Variants in F8 observed in about 807,000 individuals in gnomAD.
F8 encodes antihemophilic factor.
Under a neutral mutation model 140.6 loss-of-function variants are expected in F8, and 12 were observed. The ratio of observed to expected loss-of-function variants is 0.09; its 90% confidence interval spans 0.05 to 0.14. F8 has a LOEUF of 0.14. F8 is among the 10% of genes least tolerant of loss of function. The pLI is 1.00. For synonymous variants in F8, 585 were observed against 614.6 expected (o/e 0.95, Z 0.71); for missense variants, 1,354 against 1,720.7 (o/e 0.79, Z 3.77).
chrX:154,931,028 C>A lies in F8; in HGVS notation c.2762G>T (p.Ser921Ile), dbSNP rs782592184. ...TGGCATACTTGGGGGTCCTAAGGAA[C>A]TTGTATTATCAGTACCTGCTGCCAA... ...DNLAAGTDNT[S>I]SLGPPSMPVH... Residue 921 changes from serine (S) to isoleucine (I), a missense_variant, in exon 14 of 26, where the codon AGT becomes ATT. By Grantham distance (142) the Ser-to-Ile change is moderately radical. Around this residue, in one of 4 missense-constraint regions of F8, gnomAD observed 658 missense variants for 666.5 expected, o/e 0.99. Coordinates refer to ENST00000360256, the MANE Select transcript of F8 (RefSeq NM_000132.4). 5.9e-6 allele frequency: 7 copies of A among 1,191,510 alleles called. No individual in the cohort carries two copies. The highest frequency in any genetic ancestry group is 4.6e-5 in the Admixed American group (2 of 43,233).
chrX:154,914,715 A>T lies in F8; in HGVS notation c.5220-8142T>A, dbSNP rs150241633. Among the ~76,000 whole-genome samples, 1,424 of 112,005 alleles carry T rather than the reference A, an allele frequency of 0.013. 27 individuals are homozygous for T. In the Middle Eastern group the frequency reaches 0.14, roughly 11 times the overall value. ...TCAGCATTTTGGTGAAAGCTATTCAATGATTCTCTAGGAAGTTCCAAACTT... is the reference window on the plus strand; with the variant it reads ...TCAGCATTTTGGTGAAAGCTATTCATTGATTCTCTAGGAAGTTCCAAACTT... On this transcript the variant is annotated intron_variant, in intron 14 of 25. Coordinates refer to ENST00000360256, the MANE Select transcript of F8 (RefSeq NM_000132.4).
intron 11 of F8, among the ~76,000 whole-genome samples, chrX:154,954,436 C>G (rs1400262175): frequency 8.9e-6 from 1 of 112,096 alleles, no homozygotes; most frequent in Non-Finnish European, 1.9e-5. Context: ...AAATGAGATA[C>G]TGACTTTCCT....
rs1311397057 is a variant in F8, at chrX:154,957,381, T to C, written c.1538-210A>G. Among the ~76,000 whole-genome samples the C allele has an allele frequency of 4.5e-5, 5 of 111,475 alleles. No individual in the cohort carries two copies. In the Admixed American group the frequency reaches 4.8e-4, roughly 11 times the overall value. Reference sequence around the variant, plus strand: ...CTGTAATTGATTATCCGGTTGACTGTGAAAGTGTCAGGCCTGAATATATGC... The same window carrying C: ...CTGTAATTGATTATCCGGTTGACTGCGAAAGTGTCAGGCCTGAATATATGC... On this transcript the variant is annotated intron_variant, in intron 10 of 25. Coordinates refer to ENST00000360256, the MANE Select transcript of F8 (RefSeq NM_000132.4).
intron 21 of F8, among the ~76,000 whole-genome samples, chrX:154,897,398 T>C (rs1454446945): frequency 2.7e-5 from 3 of 112,753 alleles, no homozygotes; most frequent in Non-Finnish European, 3.8e-5. Flanking sequence ...CTGTTTTAGA[T>C]ACAGGGAATA....
Position 154,964,096 on chromosome X carries a change from C to T in F8, c.1443+1874G>A, listed in dbSNP as rs2073411332. Among the ~76,000 whole-genome samples the T allele has an allele frequency of 7.2e-5, 8 of 111,782 alleles. No homozygotes were observed. In the South Asian group the frequency reaches 3.0e-3, roughly 42 times the overall value. On this transcript the variant is annotated intron_variant, in intron 9 of 25. Transcript: ENST00000360256. ...TGTGTGAAATGCACACACACACACA[C>T]ATACACACACACATTTGTACATGTA... is the stretch of plus-strand genomic sequence containing the variant.
chrX:154,892,184 C>A (rs2072948599), intron 22 of F8, among the ~76,000 whole-genome samples: 1 of 112,406 alleles, frequency 8.9e-6, no homozygotes, highest in Non-Finnish European at 1.9e-5. Flanking sequence ...TTATGCTCAG[C>A]CCCTAAGTCG....
chrX:154,983,673 G>A (rs2073542249), intron 6 of F8, among the ~76,000 whole-genome samples: 1 of 112,315 alleles, frequency 8.9e-6, no homozygotes, highest in Non-Finnish European at 1.9e-5. Flanking sequence ...AGTGGGTGAG[G>A]TCCCAAAGGG....
chrX:154,902,298 A>G lies in F8; in HGVS notation c.5999-131T>C, dbSNP rs2073014324. On this transcript the variant is annotated intron_variant, in intron 18 of 25. Transcript: ENST00000360256. The stretch of plus-strand genomic sequence containing the variant: ...GTTCCACTACTTTTGGACCCCTCAA[A>G]TGCAAAGTGCTTGCTACGTGACCCT... The G allele has an allele frequency of 1.1e-5, 6 of 532,057 alleles. No individual in the cohort carries two copies. In the Admixed American group the frequency reaches 1.5e-4, roughly 13 times the overall value. The allele number at this position is 532,057 out of a possible 1,213,427, so 43.8% of individuals were successfully genotyped here.
intron 12 of F8, among the ~76,000 whole-genome samples, chrX:154,951,809 T>G (rs1307934478): frequency 9.0e-6 from 1 of 111,437 alleles, no homozygotes; most frequent in African/African-American, 3.3e-5. Context: ...TTTCTCAGAC[T>G]CTTTTTCTCA....
Sources: allele counts gnomAD v4.1 joint callset (sites outside exome capture counted in the v4.1 genomes callset), GRCh38; gene constraint gnomAD v4.1.1; regional missense constraint gnomAD v4.1.1; transcripts MANE v1.5; gene names NCBI Gene and HGNC (gene_info 2026-07-23, HGNC 2026-07-21).